PRDM15: variants seen among roughly 807,000 people sequenced by gnomAD.
PRDM15 encodes PR domain zinc finger protein 15.
PRDM15 carries 64 observed loss-of-function variants against 128.6 expected under a neutral mutation model. The ratio of observed to expected loss-of-function variants is 0.50; its 90% CI spans 0.41 to 0.61. PRDM15 has a LOEUF of 0.61. PRDM15 is among the 20% of genes least tolerant of loss of function. The pLI, the probability that PRDM15 is intolerant of heterozygous loss-of-function variation, is 0.00. For missense variants in PRDM15, 1,242 were observed against 1,569.1 expected, an observed-to-expected ratio of 0.79 and a Z score of 3.52; for synonymous variants, 615 against 621.8, an observed-to-expected ratio of 0.99 and a Z score of 0.16.
At position 41,811,997 on chromosome 21, in the gene PRDM15, TA is replaced by T. The variant is rs1056880186; in HGVS notation, c.2393-1162del. On this transcript the variant is annotated intron_variant, in intron 19 of 23. Coordinates refer to ENST00000398548, the MANE Select transcript of PRDM15 (RefSeq NM_001040424.3). This position sits in a 1 kb window ranked among gnomAD's most constrained non-coding sequence, Gnocchi z 4.1. ...TTGACTTTTTAAAATATTTGATAAGTACTCAGTCAGTCCTGGCTCATGGATT... is the reference window on the plus strand; with the variant it reads ...TTGACTTTTTAAAATATTTGATAAGTCTCAGTCAGTCCTGGCTCATGGATT... The T allele has an allele frequency of 1.1e-4, 16 of 152,362 alleles. No homozygotes were observed. The highest frequency in any genetic ancestry group is 3.1e-4 in the African/African-American group (13 of 41,564). The allele number at this position is 152,362 out of a possible 1,614,324, so 9.4% of individuals were successfully genotyped here.
At chr21:41,861,758 G>A (rs757981287) in intron 1 of PRDM15, 43 of 1,612,808 alleles carry the variant, frequency 2.7e-5, no homozygotes, top group Non-Finnish European at 3.4e-5. Flanking sequence ...GTGTCTGAGA[G>A]CAGTGCCGGG....
intron 1 of PRDM15, among the ~76,000 whole-genome samples, chr21:41,865,152 G>A (rs56184937): frequency 2.2e-4 from 16 of 73,746 alleles, no homozygotes; most frequent in Non-Finnish European, 2.9e-4. Flanking sequence ...CCCACTCCCC[G>A]GCTCACTCCT....
chr21:41,865,443 G>A (rs969269742), intron 1 of PRDM15, among the ~76,000 whole-genome samples: 5 of 152,164 alleles, frequency 3.3e-5, no homozygotes, highest in Non-Finnish European at 7.4e-5. Context: ...GACCCTCCTC[G>A]GCACCAGCAC....
chr21:41,870,136 T>C (rs1186209911), intron 1 of PRDM15, among the ~76,000 whole-genome samples: 3 of 152,254 alleles, frequency 2.0e-5, no homozygotes, highest in Admixed American at 6.5e-5. Flanking sequence ...AGAACAATCT[T>C]GGTTTAAGCC....
At chr21:41,819,859 C>A (rs559650695) in intron 17 of PRDM15, 158 bp from the exon 18 acceptor site, 14 of 962,686 alleles carry the variant, frequency 1.5e-5, no homozygotes, top group Non-Finnish European at 2.0e-5. Flanking sequence ...AGAGCCCTCC[C>A]GGGGATCCTG....
intron 14 of PRDM15, among the ~76,000 whole-genome samples, chr21:41,822,808 G>A (rs1003103688): frequency 2.6e-5 from 4 of 152,148 alleles, no homozygotes; most frequent in Non-Finnish European, 5.9e-5. Context: ...GCTGAGGCAG[G>A]CGGATCACTT....
chr21:41,798,789 T>C lies in PRDM15; in HGVS notation c.*2451A>G, dbSNP rs2061355586. 1 of 152,244 alleles carries C rather than the reference T, an allele frequency of 6.6e-6. No homozygotes were observed. The highest frequency in any genetic ancestry group is 2.1e-4 in the South Asian group (1 of 4,826). The allele number at this position is 152,244 out of a possible 1,614,324, so 9.4% of individuals were successfully genotyped here. A position where few individuals can be genotyped will look rare whatever the true frequency, so the allele number is the denominator to read the frequency against. On this transcript the variant is annotated 3_prime_UTR_variant, in exon 24 of 24. Transcript: ENST00000398548. ...AAATACTTCCTGTCATGATGATCAATATGCAGAACTGCGTATAGGTGAGGA... is the reference window on the plus strand; with the variant it reads ...AAATACTTCCTGTCATGATGATCAACATGCAGAACTGCGTATAGGTGAGGA...
intron 18 of PRDM15, among the ~76,000 whole-genome samples, chr21:41,816,300 T>G (rs2062049905): frequency 6.6e-6 from 1 of 152,214 alleles, no homozygotes; most frequent in East Asian, 1.9e-4. Context: ...CTCCAAAGCC[T>G]CACTCACACA....
chr21:41,836,358 G>C (rs1051200455), intron 9 of PRDM15, 110 bp downstream of exon 9: 26 of 1,328,124 alleles, frequency 2.0e-5, no homozygotes, highest in Non-Finnish European at 2.6e-5. Context: ...CCTCTCACTG[G>C]CGCAGCTCGT....
At chr21:41,860,199 T>C (rs2063767725) in intron 2 of PRDM15, 128 bp downstream of exon 2, 2 of 650,664 alleles carry the variant, frequency 3.1e-6, no homozygotes, top group South Asian at 1.9e-5. Context: ...ATTTTAAATA[T>C]ATAGCTTTTC....
At chr21:41,816,350 C>A (rs2062051784) in intron 18 of PRDM15, among the ~76,000 whole-genome samples, 1 of 152,234 alleles carries the variant, frequency 6.6e-6, no homozygotes, top group Non-Finnish European at 1.5e-5. Context: ...GGGGCTGAGT[C>A]AGAGGTTGTG....
chr21:41,804,555 G>C lies in PRDM15; in HGVS notation c.2712C>G (p.Ala904=), dbSNP rs544290739. The change falls in exon 22 of 24, where the codon GCC becomes GCG. Residue 904 remains alanine, a synonymous_variant. Transcript: ENST00000398548. The part of the protein sequence containing the change: ...DHLPETTTID[A]SSIGIVQPEL... ...TCACCTGGACGATGCCAATGGAGGA[G>C]GCGTCGATGGTGGTGGTCTCCGGGA... The C allele has an allele frequency of 1.3e-6, 2 of 1,569,954 alleles. No individual in the cohort carries two copies. Among genetic ancestry groups the C allele is most frequent in the African/African-American group, 1.3e-5 (1 of 74,370 alleles).
At chr21:41,844,024 C>T (rs1453875766) in intron 6 of PRDM15, among the ~76,000 whole-genome samples, 1 of 151,334 alleles carries the variant, frequency 6.6e-6, no homozygotes, top group Non-Finnish European at 1.5e-5. Context: ...TGGAAGTTAC[C>T]CAACTTGAAA....
intron 14 of PRDM15, chr21:41,823,071 G>C: frequency 2.2e-6 from 1 of 464,150 alleles, no homozygotes; most frequent in South Asian, 2.1e-5. Context: ...GGCCCTTATA[G>C]AAGAGATCCC....
chr21:41,828,065 G>C lies in PRDM15; in HGVS notation c.1534+101C>G, dbSNP rs1178966428. ...TCCAGGCAAAGGAGCAGGCGGCACC[G>C]AACTGCTCCCCAAAGGCCCTGCTGA... On this transcript the variant is annotated intron_variant, in intron 12 of 23. Transcript: ENST00000398548. This position sits in a 1 kb window ranked among gnomAD's most constrained non-coding sequence, Gnocchi z 5.7. The C allele has an allele frequency of 3.1e-6, 4 of 1,283,084 alleles. No homozygotes were observed. The highest frequency in any genetic ancestry group is 3.3e-6 in the Non-Finnish European group (3 of 905,064). The allele number at this position is 1,283,084 out of a possible 1,614,324, so 79.5% of individuals were successfully genotyped here.
At chr21:41,843,410 C>G (rs2063134907) in intron 6 of PRDM15, among the ~76,000 whole-genome samples, 2 of 152,176 alleles carry the variant, frequency 1.3e-5, no homozygotes, top group Non-Finnish European at 2.9e-5. Context: ...TCGACAGCAA[C>G]CTGGGCATTC....
At position 41,802,652 on chromosome 21, in the gene PRDM15, G is replaced by A. The variant is rs1341728788; in HGVS notation, c.2943+60C>T. ...AAGAGATGGAGTCACACACACGTAA[G>A]GCTCTCATGCTTAGGGAAAGTGACC... On this transcript the variant is annotated intron_variant, in intron 23 of 23. Transcript: ENST00000398548. The A allele has an allele frequency of 9.5e-6, 13 of 1,363,390 alleles. No homozygotes were observed. In the African/African-American group the frequency reaches 1.6e-4, roughly 16 times the overall value. 84.5% of individuals were successfully genotyped at this position (1,363,390 alleles called of 1,614,324 possible).
intron 1 of PRDM15, among the ~76,000 whole-genome samples, chr21:41,863,702 G>A (rs2063901944): frequency 6.6e-6 from 1 of 152,178 alleles, no homozygotes; most frequent in Non-Finnish European, 1.5e-5. Flanking sequence ...AAAGAAGGCT[G>A]AAGTGACAGA....
At position 41,828,381 on chromosome 21, in the gene PRDM15, T is replaced by C. The variant is rs772353815; in HGVS notation, c.1367-48A>G. 2 of 1,601,190 alleles carry C rather than the reference T, an allele frequency of 1.2e-6. No homozygotes were observed. Among genetic ancestry groups the C allele is most frequent in the South Asian group, 1.1e-5 (1 of 90,832 alleles). Reference sequence around the variant, plus strand: ...CACAACGATTTTGAGGTAAATAACATCTCACGCAGGCACGCACGTGTGGCC... The same window carrying C: ...CACAACGATTTTGAGGTAAATAACACCTCACGCAGGCACGCACGTGTGGCC... On this transcript the variant is annotated intron_variant, in intron 11 of 23. Transcript: ENST00000398548. This position sits in a 1 kb window ranked among gnomAD's most constrained non-coding sequence, Gnocchi z 5.7.
Sources: allele counts gnomAD v4.1 joint callset (sites outside exome capture counted in the v4.1 genomes callset), GRCh38; gene constraint gnomAD v4.1.1; non-coding constraint Gnocchi (gnomAD v3.1); transcripts MANE v1.5; gene names NCBI Gene and HGNC (gene_info 2026-07-23, HGNC 2026-07-21).